Variants in KIF19 observed in about 807,000 individuals in gnomAD.
KIF19 encodes the protein kinesin family member 19.
A neutral mutation model predicts 106.6 loss-of-function variants in KIF19; 98 were observed. That is an observed-to-expected ratio of 0.92 (90% CI 0.78 to 1.09). KIF19 has a LOEUF of 1.09. Ranked by LOEUF, KIF19 falls within the 50% of genes least tolerant of loss-of-function variation. The pLI is 0.00. For synonymous variants in KIF19, 516 were observed against 584.2 expected, an observed-to-expected ratio of 0.88 and a Z score of 1.68; for missense variants, 1,373 against 1,414.3, an observed-to-expected ratio of 0.97 and a Z score of 0.47.
At chr17:74,352,196 G>A (rs2144295899) in intron 13 of KIF19, 23 bp from the exon 14 acceptor site, 15 of 1,600,102 alleles carry the variant, frequency 9.4e-6, no homozygotes, top group Non-Finnish European at 1.2e-5. Flanking sequence ...GGCACTCACT[G>A]AGCCCTGCCC....
At chr17:74,327,763 G>A (rs931940744) in intron 1 of KIF19, among the ~76,000 whole-genome samples, 5 of 152,342 alleles carry the variant, frequency 3.3e-5, no homozygotes, top group Admixed American at 2.6e-4. Context: ...GAGCCACCAC[G>A]CCAGGCCTGA....
At chr17:74,337,548 C>G (rs779270145) in intron 2 of KIF19, among the ~76,000 whole-genome samples, 10 of 152,174 alleles carry the variant, frequency 6.6e-5, no homozygotes, top group Non-Finnish European at 1.2e-4. Context: ...CGCCTCTTTG[C>G]CTTGCTCATG....
Position 74,326,247 on chromosome 17 carries a change from G to A in KIF19, c.-103G>A. On this transcript the variant is annotated 5_prime_UTR_variant, in exon 1 of 20. Transcript: ENST00000389916. ...TTTCGGGTTGTCAGGCAGCGCGCGA[G>A]GCGGCGGGCAGCTAGCAGCTGGCGG... The A allele has an allele frequency of 9.2e-7, 1 of 1,092,646 alleles. No homozygotes were observed. Among genetic ancestry groups the A allele is most frequent in the Non-Finnish European group, 1.3e-6 (1 of 773,632 alleles). 67.7% of individuals were successfully genotyped at this position (1,092,646 alleles called of 1,614,324 possible).
At chr17:74,334,873 C>T (rs2054182726) in intron 2 of KIF19, among the ~76,000 whole-genome samples, 1 of 152,170 alleles carries the variant, frequency 6.6e-6, no homozygotes, top group South Asian at 2.1e-4. Flanking sequence ...GCAGATAAAG[C>T]CAGAGCCAGA....
intron 2 of KIF19, among the ~76,000 whole-genome samples, chr17:74,332,368 C>G (rs2054119076): frequency 6.6e-6 from 1 of 151,836 alleles, no homozygotes; most frequent in South Asian, 2.1e-4. Flanking sequence ...CTCTGGGGCC[C>G]CAGAGGAGCC....
Position 74,331,129 on chromosome 17 carries a change from C to T in KIF19, c.120+2624C>T, listed in dbSNP as rs923162721. Among the ~76,000 whole-genome samples the T allele has an allele frequency of 6.6e-6, 1 of 152,144 alleles. No homozygotes were observed. Among genetic ancestry groups the T allele is most frequent in the Admixed American group, 6.5e-5 (1 of 15,270 alleles). ...CATGGACCCCCCCTTACCCTTGTCC[C>T]CGACCTGACCAGTTCCCCCACCTCC... On this transcript the variant is annotated intron_variant, in intron 2 of 19. Transcript: ENST00000389916. The surrounding 1 kb of genome is among the most constrained non-coding windows in gnomAD (Gnocchi z 4.1).
At chr17:74,347,656 G>A (rs756593164) in intron 8 of KIF19, 121 bp from the exon 9 acceptor site, 29 of 1,144,678 alleles carry the variant, frequency 2.5e-5, no homozygotes, top group Middle Eastern at 2.8e-4. Context: ...CTCAGCAGCC[G>A]GGTCCCTTAA....
chr17:74,340,641 G>A (rs1224841233), intron 2 of KIF19, among the ~76,000 whole-genome samples: 2 of 152,054 alleles, frequency 1.3e-5, no homozygotes, highest in African/African-American at 4.8e-5. Flanking sequence ...GGCCTGTCCT[G>A]GCTGCCAGCC....
At position 74,350,549 on chromosome 17, in the gene KIF19, C is replaced by G; in HGVS notation, c.1362C>G (p.Thr454=). The change falls in exon 11 of 20, where the codon ACC becomes ACG. Residue 454 remains threonine, a synonymous_variant. Coordinates refer to ENST00000389916, the MANE Select transcript of KIF19 (RefSeq NM_153209.4). ...ENRAMEVQID[T]SRHLLTIAGW... ...GCGCCATGGAGGTCCAGATTGACAC[C>G]TCCCGACACCTGCTCACCATCGCCG... is the stretch of plus-strand genomic sequence containing the variant. The G allele has an allele frequency of 1.2e-5, 19 of 1,612,984 alleles. No homozygotes were observed. Among genetic ancestry groups the G allele is most frequent in the Non-Finnish European group, 1.6e-5 (19 of 1,179,848 alleles).
chr17:74,341,831 C>T (rs774206188), intron 2 of KIF19, 45 bp from the exon 3 acceptor site: 53 of 1,399,478 alleles, frequency 3.8e-5, no homozygotes, highest in South Asian at 5.8e-5. Context: ...CATCAGGGCC[C>T]GGGGTTCCCA....
At position 74,350,372 on chromosome 17, in the gene KIF19, C is replaced by T. The variant is rs191831196; in HGVS notation, c.1214-29C>T. On this transcript the variant is annotated intron_variant, in intron 10 of 19. Transcript: ENST00000389916. Reference sequence around the variant, plus strand: ...TTGCTAGCTGAACTTGCCGCCTCCTCTACCTTGCCCACCCTCACCCATCGG... The same window carrying T: ...TTGCTAGCTGAACTTGCCGCCTCCTTTACCTTGCCCACCCTCACCCATCGG... The T allele has an allele frequency of 3.5e-4, 543 of 1,553,140 alleles. 1 individual carries two copies. The highest frequency in any genetic ancestry group is 4.2e-4 in the Non-Finnish European group (481 of 1,147,220).
chr17:74,333,210 G>T (rs891298309), intron 2 of KIF19, among the ~76,000 whole-genome samples: 4 of 149,324 alleles, frequency 2.7e-5, no homozygotes, highest in African/African-American at 1.0e-4. Context: ...GGCTAGGGGA[G>T]GGGGTCAGGA....
At chr17:74,354,728 G>A in intron 18 of KIF19, 54 bp from the exon 19 acceptor site, 2 of 1,534,626 alleles carry the variant, frequency 1.3e-6, no homozygotes, top group Non-Finnish European at 1.8e-6. Flanking sequence ...GACAGATCCT[G>A]GTAGCAGATC....
intron 2 of KIF19, among the ~76,000 whole-genome samples, chr17:74,339,926 C>T (rs1232444227): frequency 1.3e-5 from 2 of 152,126 alleles, no homozygotes; most frequent in Non-Finnish European, 2.9e-5. Context: ...TTGTGGGTCT[C>T]GACTTGATGG....
chr17:74,342,859 G>A (rs1191167758), intron 4 of KIF19, 142 bp downstream of exon 4: 25 of 1,183,660 alleles, frequency 2.1e-5, no homozygotes, highest in Middle Eastern at 2.0e-4. Flanking sequence ...CAGCCCCAGA[G>A]GCCCCAACCC....
chr17:74,355,462 T>G lies in KIF19; in HGVS notation c.*150T>G, dbSNP rs2054857704. ...GGCTCCTGAGACCCAGGAACTGGGG[T>G]CTCTGCCCAACCCTCCCATGCTTTC... On this transcript the variant is annotated 3_prime_UTR_variant, in exon 20 of 20. Transcript: ENST00000389916. 2.9e-6 allele frequency: 3 copies of G among 1,028,120 alleles called. No individual in the cohort carries two copies. The highest frequency in any genetic ancestry group is 4.1e-6 in the Non-Finnish European group (3 of 736,210). The allele number at this position is 1,028,120 out of a possible 1,614,324, so 63.7% of individuals were successfully genotyped here. A position where few individuals can be genotyped will look rare whatever the true frequency, so the allele number is the denominator to read the frequency against.
At position 74,347,678 on chromosome 17, in the gene KIF19, C is replaced by T. The variant is rs1439074973; in HGVS notation, c.925-99C>T. The T allele has an allele frequency of 4.3e-6, 6 of 1,407,058 alleles. No homozygotes were observed. In the Admixed American group the frequency reaches 8.1e-5, roughly 19 times the overall value. The allele number at this position is 1,407,058 out of a possible 1,614,324, so 87.2% of individuals were successfully genotyped here. ...GCCGGGTCCCTTAAGTGTAAAGAGACAGAGAGATTGCACTCGCCAGGGAGG... is the reference window on the plus strand; with the variant it reads ...GCCGGGTCCCTTAAGTGTAAAGAGATAGAGAGATTGCACTCGCCAGGGAGG... On this transcript the variant is annotated intron_variant, in intron 8 of 19. Coordinates refer to ENST00000389916, the MANE Select transcript of KIF19 (RefSeq NM_153209.4).
At chr17:74,333,012 G>C (rs1386006824) in intron 2 of KIF19, among the ~76,000 whole-genome samples, 2 of 152,230 alleles carry the variant, frequency 1.3e-5, no homozygotes, top group Admixed American at 1.3e-4. Context: ...CAACTGGGAG[G>C]CTGTTGGGAA....
chr17:74,347,648 C>T (rs1598392007), intron 8 of KIF19, 129 bp from the exon 9 acceptor site: 2 of 1,083,826 alleles, frequency 1.8e-6, no homozygotes, highest in East Asian at 2.6e-5. Context: ...ATATGACGCT[C>T]AGCAGCCGGG....
Sources: allele counts gnomAD v4.1 joint callset (sites outside exome capture counted in the v4.1 genomes callset), GRCh38; gene constraint gnomAD v4.1.1; non-coding constraint Gnocchi (gnomAD v3.1); transcripts MANE v1.5; gene names NCBI Gene and HGNC (gene_info 2026-07-23, HGNC 2026-07-21).